MYH11: variants seen among roughly 807,000 people sequenced by gnomAD.
MYH11 encodes the protein myosin-11.
In MYH11, 80 loss-of-function variants were observed where a neutral mutation model predicts 246.6. The ratio of observed to expected loss-of-function variants is 0.32; its 90% CI spans 0.27 to 0.39. The LOEUF (loss-of-function observed/expected upper bound fraction) is 0.39. Ranked by LOEUF, MYH11 falls within the 10% of genes least tolerant of loss-of-function variation. The probability of loss-of-function intolerance (pLI) is 1.00; values close to 1 mark genes in which losing one functional copy is unlikely to be tolerated. For missense variants in MYH11, 2,158 were observed against 2,546.8 expected (o/e 0.85, Z 3.29); for synonymous variants, 1,071 against 1,015.5 (o/e 1.05, Z -1.04).
chr16:15,804,263 G>A (rs1294609999), intron 3 of MYH11, among the ~76,000 whole-genome samples: 1 of 152,084 alleles, frequency 6.6e-6, no homozygotes, highest in Middle Eastern at 3.2e-3. Context: ...AGGTGCGGTG[G>A]CTTATGCCTG....
chr16:15,827,928 GC>G (rs1258848258), intron 2 of MYH11, among the ~76,000 whole-genome samples: 1 of 152,276 alleles, frequency 6.6e-6, no homozygotes, highest in African/African-American at 2.4e-5. Context: ...GGTCAATCAA[GC>G]CCCACCCTCC....
intron 1 of MYH11, among the ~76,000 whole-genome samples, chr16:15,850,626 G>T (rs1297775202): frequency 6.6e-6 from 1 of 152,194 alleles, no homozygotes; most frequent in Non-Finnish European, 1.5e-5. Context: ...GTTCAGCACT[G>T]TGGCTCACGT....
chr16:15,742,310 T>A (rs1250099796), intron 20 of MYH11: 2 of 259,076 alleles, frequency 7.7e-6, no homozygotes, highest in Non-Finnish European at 7.5e-6. Flanking sequence ...AGAAAAAAAA[T>A]CTTTCATATC....
chr16:15,761,312 C>T (rs1567737703), intron 10 of MYH11, among the ~76,000 whole-genome samples: 1 of 152,096 alleles, frequency 6.6e-6, no homozygotes, highest in Non-Finnish European at 1.5e-5. Flanking sequence ...GGAGTTACAC[C>T]GTGTTGCCCA....
At chr16:15,722,395 G>T (rs117080187) in intron 31 of MYH11, among the ~76,000 whole-genome samples, 1 of 152,152 alleles carries the variant, frequency 6.6e-6, no homozygotes, top group African/African-American at 2.4e-5. Context: ...CCATGCTCAC[G>T]TTAATCTCAT....
At chr16:15,822,442 G>A (rs1177028932) in intron 3 of MYH11, among the ~76,000 whole-genome samples, 1 of 152,114 alleles carries the variant, frequency 6.6e-6, no homozygotes, top group Non-Finnish European at 1.5e-5. Flanking sequence ...ACTTTGGGAG[G>A]CCAAAGTGGG....
chr16:15,796,443 C>G (rs908267000), intron 4 of MYH11, among the ~76,000 whole-genome samples: 5 of 152,164 alleles, frequency 3.3e-5, no homozygotes, highest in African/African-American at 1.2e-4. Flanking sequence ...AGCTAGGAAG[C>G]CATCTGAAAG....
intron 9 of MYH11, among the ~76,000 whole-genome samples, chr16:15,769,901 T>A (rs1209294959): frequency 6.6e-6 from 1 of 152,178 alleles, no homozygotes; most frequent in Non-Finnish European, 1.5e-5. Context: ...GCTCAAGCAA[T>A]CCTCTTGCCT....
rs190420572 is a variant in MYH11, at chr16:15,853,866, T to C, written c.-18+3075A>G. 5.4e-4 allele frequency among the ~76,000 whole-genome samples: 82 copies of C among 151,984 alleles called. 1 individual carries two copies. The highest frequency in any genetic ancestry group is 1.9e-3 in the African/African-American group (79 of 41,468). ...GGTGAAACCCCATCTCTACTAAAAATACAAAAAATTAGCCAGGCATGGTGG... is the reference window on the plus strand; with the variant it reads ...GGTGAAACCCCATCTCTACTAAAAACACAAAAAATTAGCCAGGCATGGTGG... On this transcript the variant is annotated intron_variant, in intron 1 of 40. Coordinates refer to ENST00000300036, the MANE Select transcript of MYH11 (RefSeq NM_002474.3).
intron 33 of MYH11, 78 bp downstream of exon 33, chr16:15,720,761 A>T: frequency 2.0e-6 from 3 of 1,473,260 alleles, no homozygotes; most frequent in Non-Finnish European, 2.8e-6. Context: ...CGAAGTTTCC[A>T]CACCAACCAT....
chr16:15,748,443 G>T (rs889660617), intron 16 of MYH11, among the ~76,000 whole-genome samples: 9 of 152,080 alleles, frequency 5.9e-5, no homozygotes, highest in Admixed American at 3.9e-4. Flanking sequence ...TCATCACCTC[G>T]TCTCCCTCAC....
At chr16:15,772,302 C>T (rs74341835) in intron 8 of MYH11, among the ~76,000 whole-genome samples, 21,853 of 151,600 alleles carry the variant, frequency 0.14, 2,004 homozygotes, top group South Asian at 0.32. Flanking sequence ...ATGTTGACCA[C>T]ACTAGACTTG....
intron 4 of MYH11, among the ~76,000 whole-genome samples, chr16:15,796,906 C>A (rs1282789963): frequency 6.6e-6 from 1 of 152,142 alleles, no homozygotes; most frequent in African/African-American, 2.4e-5. Flanking sequence ...AGCTAGGTAG[C>A]ATTATATCTC....
At chr16:15,765,197 T>A (rs2041954732) in intron 9 of MYH11, among the ~76,000 whole-genome samples, 1 of 149,980 alleles carries the variant, frequency 6.7e-6, no homozygotes, top group Admixed American at 6.7e-5. Flanking sequence ...CATGGATGAA[T>A]GGACGGATGG....
Position 15,767,656 on chromosome 16 carries a change from G to A in MYH11, c.1034-3765C>T, listed in dbSNP as rs181549866. Among the ~76,000 whole-genome samples, 117 of 152,108 alleles carry A rather than the reference G, an allele frequency of 7.7e-4. 1 individual carries two copies. Among genetic ancestry groups the A allele is most frequent in the African/African-American group, 2.6e-3 (108 of 41,496 alleles). ...CCTATTTTGGAAAAAATCGGTCTTC[G>A]CAGATGGAATCAAGTACAAGATCTC... On this transcript the variant is annotated intron_variant, in intron 9 of 40. Transcript: ENST00000300036.
intron 1 of MYH11, among the ~76,000 whole-genome samples, chr16:15,840,353 TAAAA>T (rs1394145486): frequency 6.6e-6 from 1 of 152,084 alleles, no homozygotes; most frequent in Non-Finnish European, 1.5e-5. Flanking sequence ...AGTAGCAAAA[TAAAA>T]GTAATGGCAA....
chr16:15,774,985 G>GT (rs2042186560), intron 8 of MYH11, among the ~76,000 whole-genome samples: 2 of 152,302 alleles, frequency 1.3e-5, no homozygotes, highest in East Asian at 3.9e-4. Context: ...GATCCTTTTG[G>GT]TAACTGTCTT....
At chr16:15,790,419 A>G (rs1334666387) in intron 4 of MYH11, among the ~76,000 whole-genome samples, 1 of 151,918 alleles carries the variant, frequency 6.6e-6, no homozygotes, top group East Asian at 1.9e-4. Context: ...AGTGGGACAT[A>G]AACTCTGGGC....
rs374341713 is a variant in MYH11 at position 15,837,781 on chromosome 16, C to T, written c.345+127G>A. 8 of 810,110 alleles carry T rather than the reference C, an allele frequency of 9.9e-6. No homozygotes were observed. The East Asian group carries it at 1.6e-4, about 16-fold the overall frequency. 50.2% of individuals were successfully genotyped at this position (810,110 alleles called of 1,614,324 possible). A position where few individuals can be genotyped will look rare whatever the true frequency, so the allele number is the denominator to read the frequency against. On this transcript the variant is annotated intron_variant, in intron 2 of 40. Transcript: ENST00000300036. ...AACTTCTGACCTCAGGTGATCTGCC[C>T]ACCTCGGCCTCCCAAAGTGCTGGGA...
Sources: allele counts gnomAD v4.1 joint callset (sites outside exome capture counted in the v4.1 genomes callset), GRCh38; gene constraint gnomAD v4.1.1; transcripts MANE v1.5; gene names NCBI Gene and HGNC (gene_info 2026-07-23, HGNC 2026-07-21).